ZSCAN21: variants seen among roughly 807,000 people sequenced by gnomAD.
ZSCAN21 encodes zinc finger and SCAN domain containing 21.
A neutral mutation model predicts 35.6 loss-of-function variants in ZSCAN21; 26 were observed. The ratio of observed to expected loss-of-function variants is 0.73; its 90% CI spans 0.54 to 1.01. ZSCAN21 has a LOEUF of 1.01. ZSCAN21 is among the 50% of genes least tolerant of loss of function. The probability of loss-of-function intolerance (pLI) is 0.00; values close to 1 mark genes in which losing one functional copy is unlikely to be tolerated. For synonymous variants in ZSCAN21, 219 were observed against 219.3 expected (o/e 1.00, Z 0.01); for missense variants, 593 against 587.1 (o/e 1.01, Z -0.10).
In ZSCAN21 at chr7:100,064,678, A is replaced by G; in HGVS notation, c.*61A>G. The G allele has an allele frequency of 6.2e-7, 1 of 1,604,352 alleles. No homozygotes were observed. The highest frequency in any genetic ancestry group is 1.7e-4 in the Middle Eastern group (1 of 6,008). On this transcript the variant is annotated 3_prime_UTR_variant, in exon 4 of 4. Transcript: ENST00000292450. ...CTTTAGAATCTGAAAACCAGAAAGAAGTCTTGTCATTGCAGCAGCATCGAT... is the reference window on the plus strand; with the variant it reads ...CTTTAGAATCTGAAAACCAGAAAGAGGTCTTGTCATTGCAGCAGCATCGAT...
chr7:100,058,011 A>G, intron 3 of ZSCAN21, 121 bp downstream of exon 3: 1 of 951,652 alleles, frequency 1.1e-6, no homozygotes, highest in Admixed American at 3.5e-5. Flanking sequence ...AGTTGGGCTG[A>G]CTGGGTGGAA....
At chr7:100,057,610 T>C in intron 2 of ZSCAN21, 88 bp from the exon 3 acceptor site, 12 of 1,402,044 alleles carry the variant, frequency 8.6e-6, no homozygotes, top group Non-Finnish European at 1.2e-5. Flanking sequence ...TTCTCTTTCC[T>C]AGAGGTTCTA....
Position 100,055,849 on chromosome 7 carries a change from A to G in ZSCAN21, c.-96-1062A>G, listed in dbSNP as rs942086974. 1.5e-4 allele frequency among the ~76,000 whole-genome samples: 22 copies of G among 150,896 alleles called. 1 individual carries two copies. The highest frequency in any genetic ancestry group is 2.7e-4 in the African/African-American group (11 of 40,980). ...AGTAGAAACAGGGTTTCACCATGTTAGCCAGGATGGTCTCGATCTCCTGAC... is the reference window on the plus strand; with the variant it reads ...AGTAGAAACAGGGTTTCACCATGTTGGCCAGGATGGTCTCGATCTCCTGAC... On this transcript the variant is annotated intron_variant, in intron 1 of 3. Coordinates refer to ENST00000292450, the MANE Select transcript of ZSCAN21 (RefSeq NM_145914.3).
intron 3 of ZSCAN21, among the ~76,000 whole-genome samples, chr7:100,060,434 C>T (rs1349468789): frequency 6.6e-6 from 1 of 152,184 alleles, no homozygotes; most frequent in East Asian, 1.9e-4. Flanking sequence ...TGGTGGCATG[C>T]ACCTGTAGTC....
chr7:100,057,581 T>C (rs1792124123), intron 2 of ZSCAN21, 117 bp from the exon 3 acceptor site: 1 of 1,331,382 alleles, frequency 7.5e-7, no homozygotes, highest in Non-Finnish European at 1.0e-6. Context: ...GGGAATGGAA[T>C]GGGATGGGTG....
chr7:100,055,641 C>T (rs1470399822), intron 1 of ZSCAN21, among the ~76,000 whole-genome samples: 1 of 142,466 alleles, frequency 7.0e-6, no homozygotes, highest in Non-Finnish European at 1.5e-5. Context: ...AGTGAATTTT[C>T]CTTTTTTTTT....
chr7:100,063,141 C>T (rs1057397536), intron 3 of ZSCAN21, among the ~76,000 whole-genome samples: 2 of 152,230 alleles, frequency 1.3e-5, no homozygotes, highest in African/African-American at 2.4e-5. Context: ...GCCATCCTCC[C>T]GCCTCAGCTC....
At chr7:100,062,474 A>G (rs1792360016) in intron 3 of ZSCAN21, among the ~76,000 whole-genome samples, 1 of 151,602 alleles carries the variant, frequency 6.6e-6, no homozygotes, top group African/African-American at 2.4e-5. Flanking sequence ...ACATGCCTGT[A>G]ATCTCAGCTA....
intron 1 of ZSCAN21, among the ~76,000 whole-genome samples, chr7:100,050,232 G>A (rs1249619044): frequency 6.6e-6 from 1 of 152,090 alleles, no homozygotes; most frequent in East Asian, 1.9e-4. Flanking sequence ...ATACGCCCAA[G>A]GTGTTGGAAA....
chr7:100,058,184 G>C (rs1792150699), intron 3 of ZSCAN21, among the ~76,000 whole-genome samples: 1 of 152,244 alleles, frequency 6.6e-6, no homozygotes, highest in Non-Finnish European at 1.5e-5. Flanking sequence ...TGTTAACAGA[G>C]GTGTAGAGAC....
At chr7:100,051,429 G>A (rs1791876464) in intron 1 of ZSCAN21, 1 of 149,940 alleles carries the variant, frequency 6.7e-6, no homozygotes, top group Non-Finnish European at 1.5e-5. Context: ...AAGTAGCTGG[G>A]ACTACAGGCG....
chr7:100,063,867 A>G lies in ZSCAN21; in HGVS notation c.672A>G (p.Ile224Met), dbSNP rs777469450. The G allele has an allele frequency of 6.2e-7, 1 of 1,614,132 alleles. No individual in the cohort carries two copies. Among genetic ancestry groups the G allele is most frequent in the South Asian group, 1.1e-5 (1 of 91,078 alleles). The change falls in exon 4 of 4, where the codon ATA becomes ATG. Residue 224 changes from isoleucine to methionine, a missense_variant. Coordinates refer to ENST00000292450, the MANE Select transcript of ZSCAN21 (RefSeq NM_145914.3). ...AAGCAGAGGGGCTCAAAGGGGATAT[A>G]ATTTCTGTGATTATCGCCAATAAAC... ...GSEAEGLKGD[I>M]ISVIIANKPE...
At chr7:100,056,732 G>A (rs2116098386) in intron 1 of ZSCAN21, among the ~76,000 whole-genome samples, 179 bp from the exon 2 acceptor site, 1 of 152,240 alleles carries the variant, frequency 6.6e-6, no homozygotes, top group East Asian at 1.9e-4. Context: ...CCAAAGTGCT[G>A]GAATTATAGG....
chr7:100,060,497 G>A (rs1210318637), intron 3 of ZSCAN21, among the ~76,000 whole-genome samples: 1 of 152,116 alleles, frequency 6.6e-6, no homozygotes, highest in Non-Finnish European at 1.5e-5. Context: ...AGGAGGCGGA[G>A]ATTGCAGTGA....
rs144925041 is a variant in ZSCAN21 at position 100,064,069 on chromosome 7, C to T, written c.874C>T (p.Leu292Phe). 2.6e-5 allele frequency: 42 copies of T among 1,614,182 alleles called. No individual in the cohort carries two copies. In the East Asian group the frequency reaches 3.1e-4, roughly 12 times the overall value. Residue 292 changes from leucine (L) to phenylalanine (F), a missense_variant, in exon 4 of 4, where the codon CTC (leucine) becomes TTC (phenylalanine). Physicochemically the swap from Leu to Phe is conservative, Grantham distance 22 (BLOSUM62 0). Coordinates refer to ENST00000292450, the MANE Select transcript of ZSCAN21 (RefSeq NM_145914.3). ...CGKAFSNSSN[L>F]TKHRRTHTGE... Reference sequence around the variant, plus strand: ...CAAAGCCTTTAGTAATAGCTCAAATCTCACCAAACACAGGAGAACACACAC... The same window carrying T: ...CAAAGCCTTTAGTAATAGCTCAAATTTCACCAAACACAGGAGAACACACAC...
rs761837280 is a variant in ZSCAN21 at position 100,064,958 on chromosome 7, T to C, written c.*341T>C. ...AAGATTGTTTAATTTTTAACATATA[T>C]TCAAGAATTTTAATTTGTAAAGAAT... is the stretch of plus-strand genomic sequence containing the variant. On this transcript the variant is annotated 3_prime_UTR_variant, in exon 4 of 4. Transcript: ENST00000292450. 1.9e-6 allele frequency: 3 copies of C among 1,604,688 alleles called. No individual in the cohort carries two copies. The highest frequency in any genetic ancestry group is 2.2e-5 in the South Asian group (2 of 89,924).
In ZSCAN21 at chr7:100,064,455, G is replaced by A; in HGVS notation, c.1260G>A (p.Glu420=). The A allele has an allele frequency of 2.5e-6, 4 of 1,613,902 alleles. No individual in the cohort carries two copies. The highest frequency in any genetic ancestry group is 3.4e-6 in the Non-Finnish European group (4 of 1,180,010). ...HTGEKPYKCK[E]CGKAFNHSSN... ...GAGAGAAGCCATATAAGTGTAAGGAGTGTGGGAAAGCCTTCAACCACAGCT... is the reference window on the plus strand; with the variant it reads ...GAGAGAAGCCATATAAGTGTAAGGAATGTGGGAAAGCCTTCAACCACAGCT... The change falls in exon 4 of 4, where the codon GAG becomes GAA. Residue 420 remains glutamate (E), a synonymous_variant. Transcript: ENST00000292450.
Position 100,057,743 on chromosome 7 carries a change from T to C in ZSCAN21, c.445T>C (p.Ser149Pro), listed in dbSNP as rs778353607. ...ACAGAAACCGGTGTGGGAGAAGATA[T>C]CCTCCTCAGGAACTGCAAAGGAATC... ...NEQKPVWEKISSSGTAKESPS... is the reference protein window; with the variant it reads ...NEQKPVWEKIPSSGTAKESPS... The change falls in exon 3 of 4, where the codon TCC becomes CCC. Residue 149 changes from serine (S) to proline (P), a missense_variant. Transcript: ENST00000292450. The C allele has an allele frequency of 2.3e-5, 37 of 1,613,616 alleles. No individual in the cohort carries two copies. The highest frequency in any genetic ancestry group is 2.5e-5 in the Non-Finnish European group (30 of 1,179,890).
Position 100,049,812 on chromosome 7 carries a change from TC to T in ZSCAN21, c.-123del, listed in dbSNP as rs1791791758. ...CGGTCCCGAGGTACGCGGTGCGGTC[TC>T]CCGGTACCCGGAGCGGCTCTGATTC... On this transcript the variant is annotated 5_prime_UTR_variant, in exon 1 of 4. Coordinates refer to ENST00000292450, the MANE Select transcript of ZSCAN21 (RefSeq NM_145914.3). The T allele has an allele frequency of 6.6e-6, 1 of 152,288 alleles. No individual in the cohort carries two copies. Among genetic ancestry groups the T allele is most frequent in the South Asian group, 2.1e-4 (1 of 4,834 alleles). The allele number at this position is 152,288 out of a possible 1,614,324, so 9.4% of individuals were successfully genotyped here.
Sources: gnomAD v4.1 joint callset for allele counts (sites outside exome capture counted in the v4.1 genomes callset) on GRCh38, gnomAD v4.1.1 for gene constraint, MANE v1.5 for transcripts, NCBI Gene and HGNC (gene_info 2026-07-23, HGNC 2026-07-21) for gene names.